Variants in BDNF observed in about 807,000 individuals in gnomAD.
The protein encoded by BDNF is brain derived neurotrophic factor, also known as neurotrophic factor BDNF precursor form.
BDNF carries 1 observed loss-of-function variant against 19.5 expected under a neutral mutation model. That is an observed-to-expected ratio of 0.05 (90% CI 0.02 to 0.24). The LOEUF (loss-of-function observed/expected upper bound fraction) is 0.24. Among genes scored for constraint, BDNF ranks in the 10% least tolerant of loss-of-function variants. BDNF has a pLI of 1.00. For synonymous variants in BDNF, 100 were observed against 121.6 expected, an observed-to-expected ratio of 0.82 and a Z score of 1.17; for missense variants, 195 against 317.6, an observed-to-expected ratio of 0.61 and a Z score of 2.93.
chr11:27,690,675 G>A (rs1858128839), intron 1 of BDNF, among the ~76,000 whole-genome samples: 2 of 152,268 alleles, frequency 1.3e-5, no homozygotes, highest in Admixed American at 1.3e-4. Flanking sequence ...AAACCCCAAA[G>A]AGATACTGTT....
chr11:27,670,159 A>T (rs1026414886), intron 1 of BDNF, among the ~76,000 whole-genome samples: 8 of 152,244 alleles, frequency 5.3e-5, no homozygotes, highest in African/African-American at 1.9e-4. Context: ...GAAATGGGGA[A>T]AGGATTCTCT....
At chr11:27,667,233 C>T (rs892068317) in intron 1 of BDNF, among the ~76,000 whole-genome samples, 1 of 152,084 alleles carries the variant, frequency 6.6e-6, no homozygotes, top group Non-Finnish European at 1.5e-5. Context: ...ATTTTGTCAC[C>T]ACCAGGCCTG....
chr11:27,698,363 A>G (rs190390446), intron 1 of BDNF, among the ~76,000 whole-genome samples: 1 of 152,164 alleles, frequency 6.6e-6, no homozygotes, highest in East Asian at 1.9e-4. Context: ...TAATTTCAAC[A>G]TGCTATGTTA....
chr11:27,717,616 C>T (rs1201578806), intron 1 of BDNF, among the ~76,000 whole-genome samples: 2 of 152,136 alleles, frequency 1.3e-5, no homozygotes, highest in Admixed American at 6.5e-5. Context: ...TAAAAGTAGG[C>T]TAGGTTACTG....
chr11:27,665,947 C>T (rs1207871172), intron 1 of BDNF, among the ~76,000 whole-genome samples: 2 of 152,208 alleles, frequency 1.3e-5, no homozygotes, highest in Admixed American at 1.3e-4. Flanking sequence ...AATATGATAT[C>T]TGAGAATGGA....
chr11:27,718,634 C>T (rs1314231854), intron 1 of BDNF, among the ~76,000 whole-genome samples: 2 of 140,680 alleles, frequency 1.4e-5, no homozygotes, highest in Non-Finnish European at 3.1e-5. Context: ...TCGGAACAAT[C>T]TGTGCCCCAT....
In BDNF at chr11:27,657,790, A is replaced by G. The variant is rs781776605; in HGVS notation, c.*31T>C. 1 of 1,609,730 alleles carries G rather than the reference A, an allele frequency of 6.2e-7. No homozygotes were observed. The highest frequency in any genetic ancestry group is 1.7e-5 in the Admixed American group (1 of 59,976). ...TATACAAATAGATAATTTTTGTCTC[A>G]ATATAATCTAATCTATACAACATAA... is the stretch of plus-strand genomic sequence containing the variant. On this transcript the variant is annotated 3_prime_UTR_variant, in exon 2 of 2. Transcript: ENST00000356660. The surrounding 1 kb of genome is among the most constrained non-coding windows in gnomAD (Gnocchi z 5.0).
chr11:27,680,045 A>C (rs2133952196), intron 1 of BDNF, among the ~76,000 whole-genome samples: 1 of 152,372 alleles, frequency 6.6e-6, no homozygotes, highest in South Asian at 2.1e-4. Flanking sequence ...TCAACTTGTC[A>C]AACTTGCAGT....
chr11:27,689,094 G>T (rs1857906459), intron 1 of BDNF, among the ~76,000 whole-genome samples: 1 of 152,250 alleles, frequency 6.6e-6, no homozygotes, highest in South Asian at 2.1e-4. Context: ...GTCTCTGCTG[G>T]AGACAAAGGT....
In BDNF at chr11:27,658,629, T is replaced by C. The variant is rs772559051; in HGVS notation, c.-21-44A>G. On this transcript the variant is annotated intron_variant, in intron 1 of 1. Transcript: ENST00000356660. The surrounding 1 kb of genome is among the most constrained non-coding windows in gnomAD (Gnocchi z 5.7). ...AACAAGACAGAAAACTGGTTAGGGC[T>C]TTCTTTCACCGGGATGCCATGTGGC... 1.9e-5 allele frequency: 31 copies of C among 1,613,932 alleles called. 1 individual carries two copies. The African/African-American group carries it at 3.7e-4, about 19-fold the overall frequency.
chr11:27,656,408 A>T lies in BDNF; in HGVS notation c.*1413T>A. On this transcript the variant is annotated 3_prime_UTR_variant, in exon 2 of 2. Coordinates refer to ENST00000356660, the MANE Select transcript of BDNF (RefSeq NM_001709.5). ...CCTCTTGAGCACAGTTAGATAATGT[A>T]GGCACTTAAAGCACGAGGTCCAAGC... is the stretch of plus-strand genomic sequence containing the variant. 2.6e-6 allele frequency: 1 copy of T among 391,812 alleles called. No individual in the cohort carries two copies. The highest frequency in any genetic ancestry group is 3.5e-6 in the Non-Finnish European group (1 of 287,188). The allele number at this position is 391,812 out of a possible 1,614,324, so 24.3% of individuals were successfully genotyped here.
intron 1 of BDNF, among the ~76,000 whole-genome samples, chr11:27,684,525 T>G (rs1286739677): frequency 3.3e-5 from 5 of 152,356 alleles, no homozygotes; most frequent in Admixed American, 2.0e-4. Flanking sequence ...AGTATGATAT[T>G]GGCTGTGGGT....
At chr11:27,720,529 C>T (rs1378998662) in intron 1 of BDNF, 1 of 985,710 alleles carries the variant, frequency 1.0e-6, no homozygotes, top group Non-Finnish European at 1.2e-6. Flanking sequence ...CCAAACGCTC[C>T]GCTCCAAAAT....
chr11:27,663,552 C>T (rs547471807), intron 1 of BDNF, among the ~76,000 whole-genome samples: 12 of 152,296 alleles, frequency 7.9e-5, no homozygotes, highest in African/African-American at 2.6e-4. Flanking sequence ...CATTCACAGG[C>T]GTCATCTAAT....
At chr11:27,686,622 G>C (rs564292261) in intron 1 of BDNF, among the ~76,000 whole-genome samples, 1 of 152,088 alleles carries the variant, frequency 6.6e-6, no homozygotes, top group Admixed American at 6.5e-5. Context: ...GCATTTGCTC[G>C]TCTGTAAAGG....
At position 27,657,783 on chromosome 11, in the gene BDNF, T is replaced by G. The variant is rs1348659452; in HGVS notation, c.*38A>C. On this transcript the variant is annotated 3_prime_UTR_variant, in exon 2 of 2. Coordinates refer to ENST00000356660, the MANE Select transcript of BDNF (RefSeq NM_001709.5). The surrounding 1 kb of genome is among the most constrained non-coding windows in gnomAD (Gnocchi z 5.0). ...ATGTATATATACAAATAGATAATTT[T>G]TGTCTCAATATAATCTAATCTATAC... 1.2e-6 allele frequency: 2 copies of G among 1,606,814 alleles called. No individual in the cohort carries two copies. Among genetic ancestry groups the G allele is most frequent in the East Asian group, 4.5e-5 (2 of 44,848 alleles).
intron 1 of BDNF, chr11:27,699,608 A>T: frequency 6.8e-7 from 1 of 1,466,918 alleles, no homozygotes; most frequent in Non-Finnish European, 9.0e-7. Context: ...TCCAAGCTAC[A>T]TTGGCTTCGG....
upstream of BDNF, among the ~76,000 whole-genome samples, chr11:27,704,439 T>A (rs10767664): frequency 0.82 from 124,982 of 152,122 alleles, 52,059 homozygotes; most frequent in African/African-American, 0.94. Flanking sequence ...ACATGTTTTT[T>A]CTATTAATAA....
At chr11:27,692,960 C>T (rs930302134) in intron 1 of BDNF, among the ~76,000 whole-genome samples, 8 of 152,186 alleles carry the variant, frequency 5.3e-5, no homozygotes, top group African/African-American at 1.7e-4. Context: ...GAATTCTTCT[C>T]AACCCAACAT....
Sources: gnomAD v4.1 joint callset for allele counts (sites outside exome capture counted in the v4.1 genomes callset) on GRCh38, gnomAD v4.1.1 for gene constraint, Gnocchi (gnomAD v3.1) non-coding constraint, MANE v1.5 for transcripts, NCBI Gene and HGNC (gene_info 2026-07-23, HGNC 2026-07-21) for gene names.